The following ARHGAP44 variants were observed in gnomAD, a reference collection of about 807,000 sequenced individuals.
The protein encoded by ARHGAP44 is rho GTPase-activating protein 44.
In ARHGAP44, 43 loss-of-function variants were observed where a neutral mutation model predicts 106.8. The ratio of observed to expected loss-of-function variants is 0.40; its 90% CI spans 0.32 to 0.52. The LOEUF (loss-of-function observed/expected upper bound fraction) is 0.52, where lower values mean the gene tolerates loss of function less well. Ranked by LOEUF, ARHGAP44 falls within the 20% of genes least tolerant of loss-of-function variation. ARHGAP44 has a pLI of 0.48. For synonymous variants in ARHGAP44, 439 were observed against 410.3 expected (o/e 1.07, Z -0.85); for missense variants, 866 against 1,050.5 (o/e 0.82, Z 2.43).
Position 12,971,042 on chromosome 17 carries a change from A to G in ARHGAP44, c.1524-2260A>G, listed in dbSNP as rs562119603. ...CAGTGAACATTTGATGTGAATTCACAGTGGAACATGTGATGCTCCCTCTTA... is the reference window on the plus strand; with the variant it reads ...CAGTGAACATTTGATGTGAATTCACGGTGGAACATGTGATGCTCCCTCTTA... On this transcript the variant is annotated intron_variant, in intron 16 of 20. Transcript: ENST00000379672. Among the ~76,000 whole-genome samples the G allele has an allele frequency of 6.6e-5, 10 of 152,348 alleles. 1 individual carries two copies. The South Asian group carries it at 1.4e-3, about 22-fold the overall frequency.
chr17:12,972,151 G>A (rs527463807), intron 16 of ARHGAP44, among the ~76,000 whole-genome samples: 2 of 152,276 alleles, frequency 1.3e-5, no homozygotes, highest in African/African-American at 4.8e-5. Flanking sequence ...CTATCTCTCT[G>A]TGCAGATACG....
intron 1 of ARHGAP44, 200 bp downstream of exon 1, chr17:12,790,091 C>T (rs2033692271): frequency 5.9e-6 from 3 of 506,060 alleles, no homozygotes; most frequent in Non-Finnish European, 1.0e-5. Flanking sequence ...TCACTCGCCG[C>T]CTTCTGCTCC....
intron 1 of ARHGAP44, among the ~76,000 whole-genome samples, chr17:12,810,255 C>A (rs1396517271): frequency 6.6e-6 from 1 of 152,212 alleles, no homozygotes; most frequent in Non-Finnish European, 1.5e-5. Context: ...GAAGTTTATT[C>A]TTGCACAGTT....
intron 1 of ARHGAP44, among the ~76,000 whole-genome samples, chr17:12,802,965 ATATATTTTT>A (rs1186654703): frequency 8.9e-4 from 24 of 27,008 alleles, no homozygotes; most frequent in African/African-American, 2.3e-3. Flanking sequence ...ATATATATAT[ATATATTTTT>A]TTTTTTTTTT....
At chr17:12,874,364 A>G (rs2036492288) in intron 1 of ARHGAP44, among the ~76,000 whole-genome samples, 1 of 152,124 alleles carries the variant, frequency 6.6e-6, no homozygotes. Flanking sequence ...AAAGAAGCAG[A>G]GGTGGAGATG....
Position 12,976,687 on chromosome 17 carries a change from T to TA in ARHGAP44, c.1763+2378dup, listed in dbSNP as rs899319087. Reference sequence around the variant, plus strand: ...AAAGGGACAGGGGGTTAGATAGTCTTAGAGCATAGGAGGGGGCACCTGACC... The same window carrying TA: ...AAAGGGACAGGGGGTTAGATAGTCTTAAGAGCATAGGAGGGGGCACCTGACC... On this transcript the variant is annotated intron_variant, in intron 18 of 20. Transcript: ENST00000379672. 4.1e-4 allele frequency among the ~76,000 whole-genome samples: 63 copies of TA among 152,030 alleles called. No homozygotes were observed. In the Middle Eastern group the frequency reaches 0.017, roughly 41 times the overall value.
At chr17:12,943,209 G>A (rs982655148) in intron 8 of ARHGAP44, among the ~76,000 whole-genome samples, 2 of 152,178 alleles carry the variant, frequency 1.3e-5, no homozygotes, top group Non-Finnish European at 2.9e-5. Context: ...ACCTGACTCA[G>A]TAAATGTATT....
intron 16 of ARHGAP44, among the ~76,000 whole-genome samples, chr17:12,966,774 C>T (rs1054992743): frequency 6.6e-6 from 1 of 152,170 alleles, no homozygotes; most frequent in African/African-American, 2.4e-5. Context: ...CCAAAACCTT[C>T]CAAATCTCTA....
intron 6 of ARHGAP44, among the ~76,000 whole-genome samples, chr17:12,922,262 G>A (rs1169460495): frequency 1.3e-5 from 2 of 152,104 alleles, no homozygotes; most frequent in African/African-American, 2.4e-5. Flanking sequence ...GAGGCGAGGC[G>A]TTAGGTGGTT....
chr17:12,959,675 C>T (rs979155138), intron 16 of ARHGAP44, among the ~76,000 whole-genome samples: 2 of 152,184 alleles, frequency 1.3e-5, no homozygotes, highest in Non-Finnish European at 2.9e-5. Context: ...CAGGCATCCA[C>T]GAATACCTCT....
At chr17:12,946,318 A>C (rs1409742652) in intron 10 of ARHGAP44, among the ~76,000 whole-genome samples, 3 of 152,064 alleles carry the variant, frequency 2.0e-5, no homozygotes, top group Non-Finnish European at 4.4e-5. Context: ...ATAATACTTA[A>C]GTATGTATCT....
intron 7 of ARHGAP44, among the ~76,000 whole-genome samples, chr17:12,931,387 A>G (rs1164018737): frequency 6.6e-6 from 1 of 151,382 alleles, no homozygotes; most frequent in Non-Finnish European, 1.5e-5. Flanking sequence ...GTTTGTTTTT[A>G]ATAAAACAGT....
chr17:12,971,233 TC>T (rs2039521184), intron 16 of ARHGAP44, among the ~76,000 whole-genome samples: 1 of 152,054 alleles, frequency 6.6e-6, no homozygotes, highest in South Asian at 2.1e-4. Flanking sequence ...GCTGACACCT[TC>T]CCTTGGTAAA....
Position 12,990,411 on chromosome 17 carries a change from T to C in ARHGAP44, c.*240T>C. ...GGCCTTTTGTTTGACCTTTGCCTTTTGACTTTGTGCCTCTTTTGATCCACT... is the reference window on the plus strand; with the variant it reads ...GGCCTTTTGTTTGACCTTTGCCTTTCGACTTTGTGCCTCTTTTGATCCACT... On this transcript the variant is annotated 3_prime_UTR_variant, in exon 21 of 21. Coordinates refer to ENST00000379672, the MANE Select transcript of ARHGAP44 (RefSeq NM_014859.6). 1 of 483,574 alleles carries C rather than the reference T, an allele frequency of 2.1e-6. No individual in the cohort carries two copies. The highest frequency in any genetic ancestry group is 2.6e-5 in the South Asian group (1 of 38,322). The allele number at this position is 483,574 out of a possible 1,614,324, so 30.0% of individuals were successfully genotyped here. A position where few individuals can be genotyped will look rare whatever the true frequency, so the allele number is the denominator to read the frequency against.
intron 5 of ARHGAP44, chr17:12,917,250 A>G (rs1268585536): frequency 6.5e-6 from 1 of 154,490 alleles, no homozygotes; most frequent in Non-Finnish European, 1.5e-5. Flanking sequence ...AAGTTGGCTC[A>G]CATAATCACA....
chr17:12,813,790 T>A (rs2034510819), intron 1 of ARHGAP44, among the ~76,000 whole-genome samples: 1 of 149,342 alleles, frequency 6.7e-6, no homozygotes, highest in South Asian at 2.1e-4. Context: ...ATACATATAT[T>A]GCACCCCACA....
chr17:12,858,521 G>A (rs1283959358), intron 1 of ARHGAP44, among the ~76,000 whole-genome samples: 1 of 152,066 alleles, frequency 6.6e-6, no homozygotes, highest in Non-Finnish European at 1.5e-5. Context: ...GGGCATTTTG[G>A]GTTTTACCTT....
chr17:12,822,835 A>G (rs950094808), intron 1 of ARHGAP44, among the ~76,000 whole-genome samples: 1 of 152,200 alleles, frequency 6.6e-6, no homozygotes, highest in Admixed American at 6.5e-5. Context: ...TAAAAGGGGC[A>G]GTTGATCTTA....
intron 3 of ARHGAP44, among the ~76,000 whole-genome samples, chr17:12,906,883 T>A (rs1485997561): frequency 6.6e-6 from 1 of 151,958 alleles, no homozygotes; most frequent in Non-Finnish European, 1.5e-5. Flanking sequence ...GAGGCTTCAG[T>A]GAGCTATGAT....
Sources: gnomAD v4.1 joint callset for allele counts (sites outside exome capture counted in the v4.1 genomes callset) on GRCh38, gnomAD v4.1.1 for gene constraint, MANE v1.5 for transcripts, NCBI Gene and HGNC (gene_info 2026-07-23, HGNC 2026-07-21) for gene names.